CDH9: variants seen among roughly 807,000 people sequenced by gnomAD.
CDH9 encodes the protein cadherin 9, also known as cadherin-9.
CDH9 carries 28 observed loss-of-function variants against 70.9 expected under a neutral mutation model. The ratio of observed to expected loss-of-function variants is 0.40; its 90% confidence interval spans 0.29 to 0.54. The LOEUF (loss-of-function observed/expected upper bound fraction) is 0.54. Among genes scored for constraint, CDH9 ranks in the 20% least tolerant of loss-of-function variants. The pLI, the probability that CDH9 is intolerant of heterozygous loss-of-function variation, is 0.59. For missense variants in CDH9, 874 were observed against 984.4 expected (o/e 0.89, Z 1.50); for synonymous variants, 409 against 343.1 (o/e 1.19, Z -2.12).
At chr5:26,912,949 C>T (rs998143580) in intron 3 of CDH9, among the ~76,000 whole-genome samples, 3 of 152,158 alleles carry the variant, frequency 2.0e-5, no homozygotes, top group Admixed American at 6.6e-5. Context: ...CAGGAGTTTC[C>T]CTGCACAAGC....
At chr5:27,027,993 T>A (rs1158905667) in intron 1 of CDH9, among the ~76,000 whole-genome samples, 2 of 152,044 alleles carry the variant, frequency 1.3e-5, no homozygotes, top group African/African-American at 4.8e-5. Context: ...AAAACATAAA[T>A]ACAATATTTT....
intron 1 of CDH9, among the ~76,000 whole-genome samples, chr5:26,996,977 C>T (rs867568321): frequency 3.3e-5 from 5 of 151,660 alleles, no homozygotes; most frequent in South Asian, 4.2e-4. Context: ...CATCAAATGT[C>T]CAGCTTAAAA....
chr5:26,901,846 C>T (rs1372406226), intron 7 of CDH9, among the ~76,000 whole-genome samples: 1 of 151,842 alleles, frequency 6.6e-6, no homozygotes, highest in East Asian at 1.9e-4. Flanking sequence ...ATATGCTATA[C>T]AAATTAATAC....
At chr5:26,947,104 C>T (rs1741768016) in intron 2 of CDH9, among the ~76,000 whole-genome samples, 1 of 152,116 alleles carries the variant, frequency 6.6e-6, no homozygotes, top group African/African-American at 2.4e-5. Context: ...TTGACTATAT[C>T]TGCCATTCAA....
chr5:26,954,332 T>A (rs1008859547), intron 2 of CDH9, among the ~76,000 whole-genome samples: 1 of 151,772 alleles, frequency 6.6e-6, no homozygotes, highest in Non-Finnish European at 1.5e-5. Flanking sequence ...ATTTTAATAT[T>A]AATCCTAACT....
chr5:26,929,205 A>G (rs1561198536), intron 2 of CDH9, among the ~76,000 whole-genome samples: 1 of 152,146 alleles, frequency 6.6e-6, no homozygotes. Flanking sequence ...TTTCAAAAGA[A>G]TAAATGCAAA....
intron 2 of CDH9, among the ~76,000 whole-genome samples, chr5:26,977,600 A>C (rs185567378): frequency 6.6e-6 from 1 of 152,000 alleles, no homozygotes; most frequent in East Asian, 1.9e-4. Context: ...TCTTTGAGGG[A>C]ATACTTCATT....
chr5:26,924,407 A>T (rs953149494), intron 2 of CDH9, among the ~76,000 whole-genome samples: 13 of 151,830 alleles, frequency 8.6e-5, no homozygotes, highest in Non-Finnish European at 1.5e-5. Context: ...GTGCTAAAAA[A>T]GTGTTCCAAC....
intron 1 of CDH9, among the ~76,000 whole-genome samples, chr5:27,026,110 C>T (rs1410218204): frequency 2.0e-5 from 3 of 151,512 alleles, no homozygotes; most frequent in East Asian, 1.9e-4. Context: ...ACTTTGTATA[C>T]ATAAAAAGAT....
At chr5:27,009,153 T>C (rs1381968346) in intron 1 of CDH9, among the ~76,000 whole-genome samples, 2 of 152,134 alleles carry the variant, frequency 1.3e-5, no homozygotes, top group Non-Finnish European at 2.9e-5. Context: ...ATATCCAGGA[T>C]TGTTATCAAG....
At chr5:27,002,450 G>T (rs1170440311) in intron 1 of CDH9, among the ~76,000 whole-genome samples, 1 of 152,090 alleles carries the variant, frequency 6.6e-6, no homozygotes, top group East Asian at 1.9e-4. Context: ...AAATCATGCT[G>T]CTATAAAGAC....
chr5:26,930,534 G>C (rs1741424226), intron 2 of CDH9, among the ~76,000 whole-genome samples: 1 of 152,072 alleles, frequency 6.6e-6, no homozygotes, highest in Non-Finnish European at 1.5e-5. Context: ...AAGTGGACCT[G>C]CACAATTCAA....
At chr5:26,985,394 T>C (rs1742473067) in intron 2 of CDH9, among the ~76,000 whole-genome samples, 1 of 152,122 alleles carries the variant, frequency 6.6e-6, no homozygotes, top group African/African-American at 2.4e-5. Context: ...AAACAGCTTC[T>C]AAATTATAAT....
At chr5:27,011,663 A>G (rs1452928631) in intron 1 of CDH9, among the ~76,000 whole-genome samples, 1 of 152,036 alleles carries the variant, frequency 6.6e-6, no homozygotes. Context: ...TTATTCATGT[A>G]TAATATTTCC....
chr5:26,979,737 G>A (rs994006253), intron 2 of CDH9, among the ~76,000 whole-genome samples: 4 of 151,800 alleles, frequency 2.6e-5, no homozygotes, highest in African/African-American at 9.7e-5. Context: ...GAGAAAAGTT[G>A]TGTGGGTAAA....
rs535692550 is a variant in CDH9, at chr5:26,881,353, C to T, written c.2153G>A (p.Arg718Gln). The T allele has an allele frequency of 5.3e-5, 86 of 1,612,776 alleles. No individual in the cohort carries two copies. Among genetic ancestry groups the T allele is most frequent in the South Asian group, 1.9e-4 (17 of 91,044 alleles). Residue 718 changes from arginine to glutamine, a missense_variant, in exon 12 of 12, where the codon CGA becomes CAA. Physicochemically the swap from Arg to Gln is conservative, Grantham distance 43. Coordinates refer to ENST00000231021, the MANE Select transcript of CDH9 (RefSeq NM_016279.4). Reference sequence around the variant, plus strand: ...GTCTGCGTCGTTTTCTTTTAATCTTCGATGGATAAAATCTTGTACATCAAT... The same window carrying T: ...GTCTGCGTCGTTTTCTTTTAATCTTTGATGGATAAAATCTTGTACATCAAT... ...ENIDVQDFIH[R>Q]RLKENDADPS...
intron 2 of CDH9, among the ~76,000 whole-genome samples, chr5:26,945,205 CTT>C (rs200610013): frequency 6.9e-6 from 1 of 144,168 alleles, no homozygotes. Context: ...TGTTTCCTTG[CTT>C]TTTTTTTTTC....
chr5:27,013,830 G>A (rs1048417232), intron 1 of CDH9, among the ~76,000 whole-genome samples: 3 of 151,892 alleles, frequency 2.0e-5, no homozygotes, highest in Non-Finnish European at 2.9e-5. Context: ...AAATTCACTC[G>A]AGGAAGGTCC....
At chr5:27,016,718 TTTAAGAGTCAAAAC>T (rs1743052508) in intron 1 of CDH9, among the ~76,000 whole-genome samples, 1 of 151,830 alleles carries the variant, frequency 6.6e-6, no homozygotes, top group South Asian at 2.1e-4. Flanking sequence ...TAAAAATGCA[TTTAAGAGTCAAAAC>T]TTGGGTTATA....
Sources: allele counts gnomAD v4.1 joint callset (sites outside exome capture counted in the v4.1 genomes callset), GRCh38; gene constraint gnomAD v4.1.1; transcripts MANE v1.5; gene names NCBI Gene and HGNC (gene_info 2026-07-23, HGNC 2026-07-21).